OTUD7A: variants seen among roughly 807,000 people sequenced by gnomAD.
OTUD7A encodes the protein OTU deubiquitinase 7A.
Under a neutral mutation model 65.7 loss-of-function variants are expected in OTUD7A, and 12 were observed. The ratio of observed to expected loss-of-function variants is 0.18; its 90% confidence interval spans 0.12 to 0.30. The LOEUF (loss-of-function observed/expected upper bound fraction) is 0.30, where lower values mean the gene tolerates loss of function less well. OTUD7A is among the 10% of genes least tolerant of loss of function. The pLI, the probability that OTUD7A is intolerant of heterozygous loss-of-function variation, is 1.00. For missense variants in OTUD7A, 1,148 were observed against 1,304.8 expected, an observed-to-expected ratio of 0.88 and a Z score of 1.85; for synonymous variants, 641 against 586.3, an observed-to-expected ratio of 1.09 and a Z score of -1.35.
At chr15:31,818,728 A>T (rs577730790) in intron 1 of OTUD7A, among the ~76,000 whole-genome samples, 1 of 152,342 alleles carries the variant, frequency 6.6e-6, no homozygotes, top group African/African-American at 2.4e-5. Flanking sequence ...AAGCTTTTCT[A>T]AACCACGGAG....
At chr15:31,694,632 C>T (rs1016648690) in intron 1 of OTUD7A, among the ~76,000 whole-genome samples, 4 of 152,120 alleles carry the variant, frequency 2.6e-5, no homozygotes, top group African/African-American at 4.8e-5. Flanking sequence ...CCCACCTCCC[C>T]CAGCACCTGG....
intron 8 of OTUD7A, among the ~76,000 whole-genome samples, chr15:31,505,872 C>G (rs1448643455): frequency 1.3e-5 from 2 of 151,798 alleles, no homozygotes; most frequent in Non-Finnish European, 2.9e-5. Flanking sequence ...GCCTCAGCCT[C>G]CCTGGTAGCT....
chr15:31,786,388 T>G (rs1895675305), intron 1 of OTUD7A, among the ~76,000 whole-genome samples: 1 of 152,248 alleles, frequency 6.6e-6, no homozygotes. Flanking sequence ...CAAATTTGCC[T>G]ATGCACTTAA....
chr15:31,569,955 C>T (rs888334915), intron 4 of OTUD7A, 63 bp downstream of exon 4: 42 of 1,576,640 alleles, frequency 2.7e-5, no homozygotes, highest in Middle Eastern at 2.2e-4. Flanking sequence ...CCACGCAACC[C>T]GCCTGCAAGC....
intron 1 of OTUD7A, among the ~76,000 whole-genome samples, chr15:31,822,055 C>A (rs1896695854): frequency 6.6e-6 from 1 of 152,222 alleles, no homozygotes; most frequent in South Asian, 2.1e-4. Context: ...ATTCTATGGA[C>A]TGTCTTTTTG....
At chr15:31,598,550 T>C (rs1595641952) in intron 3 of OTUD7A, among the ~76,000 whole-genome samples, 1 of 152,164 alleles carries the variant, frequency 6.6e-6, no homozygotes, top group East Asian at 1.9e-4. Flanking sequence ...ACCAGGGCCC[T>C]GGGTTTCAAG....
intron 1 of OTUD7A, among the ~76,000 whole-genome samples, chr15:31,828,365 T>G (rs1164832939): frequency 6.6e-6 from 1 of 152,174 alleles, no homozygotes; most frequent in Non-Finnish European, 1.5e-5. Context: ...ATTTCTGGAG[T>G]GCAATGTAAT....
chr15:31,543,721 T>C (rs1212497093), intron 5 of OTUD7A, among the ~76,000 whole-genome samples: 2 of 151,866 alleles, frequency 1.3e-5, no homozygotes, highest in Admixed American at 1.3e-4. Context: ...ATTGCTGTAT[T>C]CAATAACATA....
intron 1 of OTUD7A, among the ~76,000 whole-genome samples, chr15:31,734,195 C>A (rs1044526655): frequency 3.9e-5 from 6 of 152,044 alleles, no homozygotes; most frequent in African/African-American, 1.5e-4. Flanking sequence ...TACAGCTAAC[C>A]AGGGAGGTTA....
At chr15:31,652,236 T>C (rs1891861497) in intron 3 of OTUD7A, among the ~76,000 whole-genome samples, 1 of 152,158 alleles carries the variant, frequency 6.6e-6, no homozygotes, top group Non-Finnish European at 1.5e-5. Context: ...TCAATTTCAA[T>C]GAAAGAAGGA....
intron 3 of OTUD7A, among the ~76,000 whole-genome samples, chr15:31,599,914 A>G (rs1890024622): frequency 6.6e-6 from 1 of 152,190 alleles, no homozygotes; most frequent in African/African-American, 2.4e-5. Flanking sequence ...CAAATTAATG[A>G]AATAAAGCAA....
intron 1 of OTUD7A, among the ~76,000 whole-genome samples, chr15:31,722,027 A>C (rs1259418935): frequency 1.3e-5 from 2 of 152,194 alleles, no homozygotes; most frequent in Non-Finnish European, 2.9e-5. Context: ...GCTTGTGTGA[A>C]CTTAGACTAA....
At chr15:31,564,561 A>G (rs1595614743) in intron 4 of OTUD7A, among the ~76,000 whole-genome samples, 1 of 152,230 alleles carries the variant, frequency 6.6e-6, no homozygotes, top group Non-Finnish European at 1.5e-5. Context: ...GGGAAAATAT[A>G]GTTGTTAAGT....
chr15:31,730,938 T>C (rs143746215), intron 1 of OTUD7A, among the ~76,000 whole-genome samples: 2 of 152,312 alleles, frequency 1.3e-5, no homozygotes, highest in African/African-American at 2.4e-5. Context: ...AGTAGCACCT[T>C]GGTCAAGTTG....
chr15:31,751,046 C>A (rs574834811), intron 1 of OTUD7A, among the ~76,000 whole-genome samples: 1 of 152,206 alleles, frequency 6.6e-6, no homozygotes, highest in African/African-American at 2.4e-5. Context: ...TCCTCAAAAG[C>A]AATTGCGACA....
chr15:31,699,081 CT>C (rs570684880), intron 1 of OTUD7A, among the ~76,000 whole-genome samples: 3,440 of 128,848 alleles, frequency 0.027, 149 homozygotes, highest in African/African-American at 0.085. Flanking sequence ...GTGATTAATA[CT>C]TTTTTTTTTT....
chr15:31,606,270 G>A (rs1431579894), intron 3 of OTUD7A, among the ~76,000 whole-genome samples: 2 of 152,214 alleles, frequency 1.3e-5, no homozygotes, highest in African/African-American at 4.8e-5. Context: ...GCTCTGGCAG[G>A]TATGCTTTAG....
intron 5 of OTUD7A, among the ~76,000 whole-genome samples, chr15:31,555,322 G>T (rs1340409555): frequency 6.6e-6 from 1 of 151,958 alleles, no homozygotes. Flanking sequence ...TTAAACAAAT[G>T]GATTTTTTTT....
intron 3 of OTUD7A, among the ~76,000 whole-genome samples, chr15:31,628,452 A>C (rs1391919167): frequency 2.6e-5 from 4 of 152,102 alleles, no homozygotes; most frequent in Non-Finnish European, 1.5e-5. Context: ...ATTGATCTAT[A>C]TCTCTGTTTT....
Sources: gnomAD v4.1 joint callset for allele counts (sites outside exome capture counted in the v4.1 genomes callset) on GRCh38, gnomAD v4.1.1 for gene constraint, MANE v1.5 for transcripts, NCBI Gene and HGNC (gene_info 2026-07-23, HGNC 2026-07-21) for gene names.